Variants in KLHL33 observed in about 807,000 individuals in gnomAD.
KLHL33 encodes kelch-like protein 33.
KLHL33 carries 46 observed loss-of-function variants against 60.8 expected under a neutral mutation model. That is an observed-to-expected ratio of 0.76 (90% CI 0.60 to 0.97). KLHL33 has a LOEUF of 0.97. Among genes scored for constraint, KLHL33 ranks in the 50% least tolerant of loss-of-function variants. KLHL33 has a pLI of 0.00. For missense variants in KLHL33, 1,055 were observed against 1,000.0 expected, an observed-to-expected ratio of 1.05 and a Z score of -0.74; for synonymous variants, 434 against 432.2, an observed-to-expected ratio of 1.00 and a Z score of -0.05.
In KLHL33 at chr14:20,430,189, G is replaced by A. The variant is rs543538009; in HGVS notation, c.1279C>T (p.Arg427Cys). ...TCCCTGGTGGACATGCGGCCAAAGC[G>A]GACACATCGCAGCAGGGCCTTGGCC... Reference protein sequence around the residue: ...SEAKALLRCVRFGRMSTRELR... With the variant: ...SEAKALLRCVCFGRMSTRELR... The change falls in exon 3 of 5, where the codon CGC (arginine) becomes TGC (cysteine). Residue 427 changes from arginine (R) to cysteine (C), a missense_variant. Coordinates refer to ENST00000636854, the MANE Select transcript of KLHL33 (RefSeq NM_001365790.2). The A allele has an allele frequency of 2.6e-5, 41 of 1,551,540 alleles. No homozygotes were observed. Among genetic ancestry groups the A allele is most frequent in the East Asian group, 1.2e-4 (5 of 40,916 alleles).
chr14:20,430,233 G>A lies in KLHL33; in HGVS notation c.1235C>T (p.Pro412Leu). ...VAARCWLAAN[P>L]ETQESEAKAL... ...CTTGGCCTCTGACTCCTGGGTCTCGGGGTTGGCAGCCAGCCAACACCGTGC... is the reference window on the plus strand; with the variant it reads ...CTTGGCCTCTGACTCCTGGGTCTCGAGGTTGGCAGCCAGCCAACACCGTGC... The change falls in exon 3 of 5, where the codon CCC becomes CTC. Residue 412 changes from proline to leucine, a missense_variant. Pro to Leu is a moderately conservative substitution (Grantham distance 98). Coordinates refer to ENST00000636854, the MANE Select transcript of KLHL33 (RefSeq NM_001365790.2). The A allele has an allele frequency of 3.9e-6, 6 of 1,551,556 alleles. No homozygotes were observed. Among genetic ancestry groups the A allele is most frequent in the Non-Finnish European group, 5.2e-6 (6 of 1,146,984 alleles).
intron 3 of KLHL33, 42 bp from the exon 4 acceptor site, chr14:20,429,711 C>T: frequency 6.5e-7 from 1 of 1,539,908 alleles, no homozygotes; most frequent in South Asian, 1.2e-5. Flanking sequence ...GGACTCTGGG[C>T]ATCCGTGGTT....
intron 2 of KLHL33, among the ~76,000 whole-genome samples, chr14:20,431,361 G>A (rs1880505701): frequency 6.6e-6 from 1 of 152,154 alleles, no homozygotes; most frequent in African/African-American, 2.4e-5. Flanking sequence ...CCTGTTCTTG[G>A]TGTAATTTGT....
Position 20,430,209 on chromosome 14 carries a change from T to A in KLHL33, c.1259A>T (p.Lys420Met). 3 of 1,551,546 alleles carry A rather than the reference T, an allele frequency of 1.9e-6. No homozygotes were observed. Among genetic ancestry groups the A allele is most frequent in the Non-Finnish European group, 2.6e-6 (3 of 1,146,988 alleles). ...AAAGCGGACACATCGCAGCAGGGCC[T>A]TGGCCTCTGACTCCTGGGTCTCGGG... ...ANPETQESEA[K>M]ALLRCVRFGR... Residue 420 changes from lysine (K) to methionine (M), a missense_variant, in exon 3 of 5, where the codon AAG becomes ATG. By Grantham distance (95) the Lys-to-Met change is moderately conservative. Transcript: ENST00000636854.
intron 2 of KLHL33, among the ~76,000 whole-genome samples, chr14:20,432,977 A>AGAAAGAAAGAAAGAAC (rs1880567906): frequency 6.6e-6 from 1 of 151,890 alleles, no homozygotes; most frequent in Non-Finnish European, 1.5e-5. Context: ...AAAGAAAGAA[A>AGAAAGAAAGAAAGAAC]GAAAGAAAGA....
rs565843232 is a variant in KLHL33 at position 20,432,199 on chromosome 14, C to A, written c.749-1480G>T. Among the ~76,000 whole-genome samples, 170 of 151,798 alleles carry A rather than the reference C, an allele frequency of 1.1e-3. 3 individuals are homozygous for A. In the South Asian group the frequency reaches 0.033, roughly 29 times the overall value. ...GTACAATCTCGGCTCACTGCAACCT[C>A]CACCCTCCAGCTTCATGTGATTCTC... On this transcript the variant is annotated intron_variant, in intron 2 of 4. Coordinates refer to ENST00000636854, the MANE Select transcript of KLHL33 (RefSeq NM_001365790.2).
At chr14:20,432,152 T>TCACC (rs1006659801) in intron 2 of KLHL33, among the ~76,000 whole-genome samples, 1 of 151,780 alleles carries the variant, frequency 6.6e-6, no homozygotes, top group Non-Finnish European at 1.5e-5. Flanking sequence ...TCTTACTCTG[T>TCACC]CACCCTGCCT....
Position 20,436,131 on chromosome 14 carries a change from T to TC in KLHL33, c.-53dup, listed in dbSNP as rs930386438. 4.3e-5 allele frequency: 9 copies of TC among 208,406 alleles called. No individual in the cohort carries two copies. The highest frequency in any genetic ancestry group is 2.1e-4 in the African/African-American group (9 of 43,582). The allele number at this position is 208,406 out of a possible 1,614,324, so 12.9% of individuals were successfully genotyped here. A position where few individuals can be genotyped will look rare whatever the true frequency, so the allele number is the denominator to read the frequency against. ...AGACACCAGCGTTCCGCTTGCCCTC[T>TC]CACTTAAGCGCCCGCTGTGCTTGGG... On this transcript the variant is annotated 5_prime_UTR_variant, in exon 1 of 5. Transcript: ENST00000636854.
chr14:20,431,658 C>A (rs550938005), intron 2 of KLHL33, among the ~76,000 whole-genome samples: 4 of 152,136 alleles, frequency 2.6e-5, no homozygotes, highest in Non-Finnish European at 5.9e-5. Flanking sequence ...ACCTGGGAGG[C>A]GAGGGTTGCA....
Position 20,428,562 on chromosome 14 carries a change from A to G in KLHL33, c.*287T>C. ...CTGAAGCTTCTTAACTCTCTTTCAA[A>G]CTAGATGCCCTTTCCCTAAGAATCC... On this transcript the variant is annotated 3_prime_UTR_variant, in exon 5 of 5. Coordinates refer to ENST00000636854, the MANE Select transcript of KLHL33 (RefSeq NM_001365790.2). 1 of 380,064 alleles carries G rather than the reference A, an allele frequency of 2.6e-6. No homozygotes were observed. Among genetic ancestry groups the G allele is most frequent in the Non-Finnish European group, 4.8e-6 (1 of 208,844 alleles). The allele number at this position is 380,064 out of a possible 1,614,324, so 23.5% of individuals were successfully genotyped here.
In KLHL33 at chr14:20,428,271, G is replaced by A. The variant is rs569386093; in HGVS notation, c.*578C>T. On this transcript the variant is annotated 3_prime_UTR_variant, in exon 5 of 5. Transcript: ENST00000636854. ...CAGAAGGAAACCAAGAGGTTCTCAG[G>A]GGCAGCCTGTGGTGTCTCGCTGGGA... is the stretch of plus-strand genomic sequence containing the variant. 1 of 152,908 alleles carries A rather than the reference G, an allele frequency of 6.5e-6. No homozygotes were observed. The highest frequency in any genetic ancestry group is 1.5e-5 in the Non-Finnish European group (1 of 68,500). The allele number at this position is 152,908 out of a possible 1,614,324, so 9.5% of individuals were successfully genotyped here.
chr14:20,432,975 A>AAAGAAAGAAAGAAAGT (rs1250735268), intron 2 of KLHL33, among the ~76,000 whole-genome samples: 1 of 151,826 alleles, frequency 6.6e-6, no homozygotes, highest in Non-Finnish European at 1.5e-5. Flanking sequence ...AGAAAGAAAG[A>AAAGAAAGAAAGAAAGT]AAGAAAGAAA....
chr14:20,430,431 G>C lies in KLHL33; in HGVS notation c.1037C>G (p.Ala346Gly). ...PARCLALFPM[A>G]EAPGLERLWS... ...GAGCCTCTCCAACCCAGGGGCTTCC[G>C]CCATGGGGAACAGGGCCAGGCAACG... The change falls in exon 3 of 5, where the codon GCG becomes GGG. Residue 346 changes from alanine (A) to glycine (G), a missense_variant. Coordinates refer to ENST00000636854, the MANE Select transcript of KLHL33 (RefSeq NM_001365790.2). 4 of 1,551,720 alleles carry C rather than the reference G, an allele frequency of 2.6e-6. No homozygotes were observed. The highest frequency in any genetic ancestry group is 1.7e-4 in the Middle Eastern group (1 of 5,990).
At position 20,428,998 on chromosome 14, in the gene KLHL33, GGATAA is replaced by G; in HGVS notation, c.2240_2244del (p.Leu747ProfsTer22). The G allele has an allele frequency of 6.4e-6, 10 of 1,551,732 alleles. No homozygotes were observed. The highest frequency in any genetic ancestry group is 8.7e-6 in the Non-Finnish European group (10 of 1,147,000). ...CGGCCCAGGCCAGGACAGTAGGCAT[GGATAA>G]GGTGAGAGAGGGCATAAGTACGGTG... On this transcript the variant is annotated frameshift_variant, in exon 5 of 5. Coordinates refer to ENST00000636854, the MANE Select transcript of KLHL33 (RefSeq NM_001365790.2). LOFTEE classifies it high-confidence loss of function.
At chr14:20,432,921 C>CG (rs1880553717) in intron 2 of KLHL33, among the ~76,000 whole-genome samples, 1 of 10,790 alleles carries the variant, frequency 9.3e-5, no homozygotes, top group Non-Finnish European at 2.1e-4. Context: ...GATTCCATCT[C>CG]AAAAAAAAGA....
chr14:20,435,384 A>T lies in KLHL33; in HGVS notation c.428T>A (p.Leu143Gln), dbSNP rs112366857. ...GGGGGGCCGCGGACCTCCGCCGCCCAGCAGCCTGTCTCGGAAGAGGCTGCT... is the reference window on the plus strand; with the variant it reads ...GGGGGGCCGCGGACCTCCGCCGCCCTGCAGCCTGTCTCGGAAGAGGCTGCT... The part of the protein sequence containing the change: ...AISSLFRDRL[L>Q]GGGGPRPPFS... Residue 143 changes from leucine (L) to glutamine (Q), a missense_variant, in exon 2 of 5, where the codon CTG (leucine) becomes CAG (glutamine). Leu to Gln is a moderately radical substitution (Grantham distance 113). Coordinates refer to ENST00000636854, the MANE Select transcript of KLHL33 (RefSeq NM_001365790.2). The T allele has an allele frequency of 0.13, 163,634 of 1,234,244 alleles. 11,033 individuals are homozygous for T. The highest frequency in any genetic ancestry group is 0.18 in the Middle Eastern group (873 of 4,840). 76.5% of individuals were successfully genotyped at this position (1,234,244 alleles called of 1,614,324 possible).
At position 20,429,198 on chromosome 14, in the gene KLHL33, C is replaced by A. The variant is rs1880399814; in HGVS notation, c.2045G>T (p.Gly682Val). The A allele has an allele frequency of 6.4e-7, 1 of 1,551,488 alleles. No individual in the cohort carries two copies. Among genetic ancestry groups the A allele is most frequent in the Non-Finnish European group, 8.7e-7 (1 of 1,146,974 alleles). ...CAGCCCACCTGCCACATACAACCTC[C>A]CACCCAATGCAGCCATGACATGGCC... ...RAGHVMAALG[G>V]RLYVAGGLGE... Residue 682 changes from glycine (G) to valine (V), a missense_variant, in exon 5 of 5, where the codon GGG becomes GTG. Gly to Val is a moderately radical substitution (Grantham distance 109). Coordinates refer to ENST00000636854, the MANE Select transcript of KLHL33 (RefSeq NM_001365790.2).
chr14:20,429,147 A>C lies in KLHL33; in HGVS notation c.2096T>G (p.Phe699Cys). 1 of 1,551,652 alleles carries C rather than the reference A, an allele frequency of 6.4e-7. No individual in the cohort carries two copies. Among genetic ancestry groups the C allele is most frequent in the Non-Finnish European group, 8.7e-7 (1 of 1,146,968 alleles). ...ATCAGTCCTTAGTTCATAGGCCTCA[A>C]AGCTTAGCAGGTCCTCAGTCTCACC... ...GLGETEDLLSFEAYELRTDSW... is the reference protein window; with the variant it reads ...GLGETEDLLSCEAYELRTDSW... Residue 699 changes from phenylalanine to cysteine, a missense_variant, in exon 5 of 5, where the codon TTT (phenylalanine) becomes TGT (cysteine). By Grantham distance (205) the Phe-to-Cys change is radical (BLOSUM62 -2). Coordinates refer to ENST00000636854, the MANE Select transcript of KLHL33 (RefSeq NM_001365790.2).
rs1880366836 is a variant in KLHL33, at chr14:20,428,506, C to G, written c.*343G>C. The stretch of plus-strand genomic sequence containing the variant: ...CCATGGGTCAGAACCATTTTTCCAA[C>G]TGTCCTCCCATGGTCTCTACACTTT... On this transcript the variant is annotated 3_prime_UTR_variant, in exon 5 of 5. Coordinates refer to ENST00000636854, the MANE Select transcript of KLHL33 (RefSeq NM_001365790.2). 1 of 230,914 alleles carries G rather than the reference C, an allele frequency of 4.3e-6. No individual in the cohort carries two copies. The highest frequency in any genetic ancestry group is 9.6e-5 in the South Asian group (1 of 10,412). 14.3% of individuals were successfully genotyped at this position (230,914 alleles called of 1,614,324 possible). A position where few individuals can be genotyped will look rare whatever the true frequency, so the allele number is the denominator to read the frequency against.
Sources: allele counts gnomAD v4.1 joint callset (sites outside exome capture counted in the v4.1 genomes callset), GRCh38; gene constraint gnomAD v4.1.1; transcripts MANE v1.5; gene names NCBI Gene and HGNC (gene_info 2026-07-23, HGNC 2026-07-21).